The following FGF14 variants were observed in gnomAD, a reference collection of about 807,000 sequenced individuals.
The protein encoded by FGF14 is fibroblast growth factor homologous factor 4.
A neutral mutation model predicts 25.5 loss-of-function variants in FGF14; 5 were observed. That is an observed-to-expected ratio of 0.20 (90% CI 0.10 to 0.41). The LOEUF is 0.41. Among genes scored for constraint, FGF14 ranks in the 10% least tolerant of loss-of-function variants. The pLI is 1.00. For synonymous variants in FGF14, 138 were observed against 118.3 expected (o/e 1.17, Z -1.08); for missense variants, 222 against 320.1 (o/e 0.69, Z 2.34).
intron 1 of FGF14, among the ~76,000 whole-genome samples, chr13:102,046,922 A>G (rs772513646): frequency 3.3e-5 from 5 of 152,200 alleles, no homozygotes; most frequent in East Asian, 1.9e-4. Flanking sequence ...TAAGAAAAAA[A>G]TATTAATTGG....
Position 102,400,977 on chromosome 13 carries a change from GA to G in FGF14, c.208+493del. Among the ~76,000 whole-genome samples, 1 of 152,284 alleles carries G rather than the reference GA, an allele frequency of 6.6e-6. No individual in the cohort carries two copies. The highest frequency in any genetic ancestry group is 1.9e-4 in the East Asian group (1 of 5,170). ...CTGACGGAGGAGCGGGGCCGCGAGG[GA>G]GGGGGCCTCTTTTACTTTGGTAAAG... is the stretch of plus-strand genomic sequence containing the variant. On this transcript the variant is annotated intron_variant, in intron 1 of 4. Coordinates refer to the FGF14 transcript ENST00000376131. This position sits in a 1 kb window ranked among gnomAD's most constrained non-coding sequence, Gnocchi z 4.3.
chr13:101,721,449 CAT>C lies in FGF14; in HGVS notation c.*1380_*1381del, dbSNP rs1421631325. The stretch of plus-strand genomic sequence containing the variant: ...GAATGTGTTGGTTTGCCTTTATTTT[CAT>C]CTAGGATAATTCAACAGACTGTATT... On this transcript the variant is annotated 3_prime_UTR_variant, in exon 5 of 5. Coordinates refer to ENST00000376143, the MANE Select transcript of FGF14 (RefSeq NM_004115.4). 1 of 138,154 alleles carries C rather than the reference CAT, an allele frequency of 7.2e-6. No individual in the cohort carries two copies. Among genetic ancestry groups the C allele is most frequent in the Non-Finnish European group, 1.6e-5 (1 of 61,722 alleles). 8.6% of individuals were successfully genotyped at this position (138,154 alleles called of 1,614,324 possible).
At chr13:102,134,204 A>G (rs1399891380) in intron 1 of FGF14, among the ~76,000 whole-genome samples, 2 of 152,152 alleles carry the variant, frequency 1.3e-5, no homozygotes, top group Admixed American at 1.3e-4. Context: ...CATGGTAGGA[A>G]AAAAGCCTGT....
At chr13:101,813,490 T>G (rs2041681015) in intron 3 of FGF14, among the ~76,000 whole-genome samples, 1 of 150,764 alleles carries the variant, frequency 6.6e-6, no homozygotes, top group East Asian at 1.9e-4. Context: ...GCAAGAAGCC[T>G]TCACCAGACA....
chr13:102,259,631 A>G (rs1417250499), intron 1 of FGF14, among the ~76,000 whole-genome samples: 1 of 152,070 alleles, frequency 6.6e-6, no homozygotes, highest in African/African-American at 2.4e-5. Flanking sequence ...TTGCTCTATC[A>G]AGGTAGGATG....
intron 3 of FGF14, among the ~76,000 whole-genome samples, chr13:101,740,378 G>A (rs144607417): frequency 6.6e-6 from 1 of 152,148 alleles, no homozygotes; most frequent in African/African-American, 2.4e-5. Context: ...GCCTAAAAGA[G>A]AGCCAATTTG....
At chr13:102,306,935 G>A (rs2055416425) in intron 1 of FGF14, among the ~76,000 whole-genome samples, 1 of 152,084 alleles carries the variant, frequency 6.6e-6, no homozygotes, top group Non-Finnish European at 1.5e-5. Flanking sequence ...AGAGGGTGCT[G>A]CAGAAGTGAT....
At chr13:102,396,773 A>G (rs2058595058) in intron 1 of FGF14, among the ~76,000 whole-genome samples, 1 of 152,244 alleles carries the variant, frequency 6.6e-6, no homozygotes, top group Non-Finnish European at 1.5e-5. Flanking sequence ...TACACTTATT[A>G]ACTGGGATAT....
intron 1 of FGF14, among the ~76,000 whole-genome samples, chr13:102,232,433 TTC>T (rs1423933590): frequency 3.9e-5 from 6 of 152,360 alleles, no homozygotes; most frequent in East Asian, 1.9e-4. Context: ...GACAATTATA[TTC>T]TGTTAGGTTT....
intron 1 of FGF14, among the ~76,000 whole-genome samples, chr13:102,161,606 A>AGAAGAAGAAGAG (rs2047683565): frequency 3.0e-4 from 1 of 3,320 alleles, no homozygotes; most frequent in Non-Finnish European, 4.8e-4. Flanking sequence ...AAGAAGAAGA[A>AGAAGAAGAAGAG]GAAGAAGAAG....
At chr13:101,872,174 GGTGA>G (rs2045130399) in intron 2 of FGF14, among the ~76,000 whole-genome samples, 1 of 151,356 alleles carries the variant, frequency 6.6e-6, no homozygotes, top group Admixed American at 6.6e-5. Context: ...GTGCTATCTG[GGTGA>G]GTTTTTGGTT....
At chr13:101,813,311 G>T (rs2041671460) in intron 3 of FGF14, among the ~76,000 whole-genome samples, 1 of 152,140 alleles carries the variant, frequency 6.6e-6, no homozygotes, top group Non-Finnish European at 1.5e-5. Context: ...GTTTTAAAAG[G>T]TGGGGGCTTT....
intron 1 of FGF14, among the ~76,000 whole-genome samples, chr13:102,151,718 T>A (rs2047094451): frequency 1.3e-5 from 2 of 152,052 alleles, no homozygotes; most frequent in South Asian, 4.2e-4. Context: ...GCAAGGCTGG[T>A]CTCGAACTGC....
At chr13:101,995,921 A>G (rs1410504505) in intron 1 of FGF14, among the ~76,000 whole-genome samples, 2 of 152,190 alleles carry the variant, frequency 1.3e-5, no homozygotes, top group African/African-American at 2.4e-5. Context: ...GGAAAAATGA[A>G]GAAGACCTAC....
At chr13:102,094,386 G>A (rs1485361693) in intron 1 of FGF14, among the ~76,000 whole-genome samples, 1 of 152,184 alleles carries the variant, frequency 6.6e-6, no homozygotes, top group Non-Finnish European at 1.5e-5. Context: ...AAGAGAAGCT[G>A]TATCTGCCAA....
chr13:101,825,828 T>C (rs1054341834), intron 3 of FGF14, among the ~76,000 whole-genome samples: 1 of 152,108 alleles, frequency 6.6e-6, no homozygotes, highest in African/African-American at 2.4e-5. Context: ...ACCCAAGACA[T>C]AAATAACATT....
intron 1 of FGF14, among the ~76,000 whole-genome samples, chr13:101,982,232 T>C (rs2038310587): frequency 6.6e-6 from 1 of 152,218 alleles, no homozygotes; most frequent in South Asian, 2.1e-4. Context: ...CAGAACATAC[T>C]AAATATATAT....
intron 1 of FGF14, among the ~76,000 whole-genome samples, chr13:102,219,966 A>C (rs539358560): frequency 1.3e-5 from 2 of 152,286 alleles, no homozygotes; most frequent in South Asian, 4.2e-4. Context: ...CATAAGTGTA[A>C]GTGATGTAAT....
intron 1 of FGF14, among the ~76,000 whole-genome samples, chr13:101,934,283 A>C (rs1430283341): frequency 1.3e-5 from 2 of 152,354 alleles, no homozygotes; most frequent in South Asian, 2.1e-4. Context: ...CTATCAGTAA[A>C]GAAAGCCCAA....
Sources: allele counts gnomAD v4.1 joint callset (sites outside exome capture counted in the v4.1 genomes callset), GRCh38; gene constraint gnomAD v4.1.1; non-coding constraint Gnocchi (gnomAD v3.1); transcripts MANE v1.5; gene names NCBI Gene and HGNC (gene_info 2026-07-23, HGNC 2026-07-21).